NET1: variants seen among roughly 807,000 people sequenced by gnomAD.
The protein encoded by NET1 is neuroepithelial cell transforming 1, also known as neuroepithelial cell-transforming gene 1 protein.
In NET1, 42 loss-of-function variants were observed where a neutral mutation model predicts 61.1. That is an observed-to-expected ratio of 0.69 (90% CI 0.54 to 0.89). The LOEUF (loss-of-function observed/expected upper bound fraction) is 0.89. NET1 is among the 40% of genes least tolerant of loss of function. NET1 has a pLI of 0.00. For missense variants in NET1, 654 were observed against 747.3 expected, an observed-to-expected ratio of 0.88 and a Z score of 1.46; for synonymous variants, 254 against 281.8, an observed-to-expected ratio of 0.90 and a Z score of 0.99.
At chr10:5,414,625 CAAG>C (rs1832049390) in intron 1 of NET1, among the ~76,000 whole-genome samples, 1 of 152,088 alleles carries the variant, frequency 6.6e-6, no homozygotes, top group African/African-American at 2.4e-5. Context: ...AACAGGAAGA[CAAG>C]AAAGAATAGA....
At position 5,453,882 on chromosome 10, in the gene NET1, A is replaced by C. The variant is rs1832750981; in HGVS notation, c.768+322A>C. ...AAATGCGGGGCACTGTTTGAGGAGG[A>C]GTCGCTGGGAGTCAGTGATGAAAGG... is the stretch of plus-strand genomic sequence containing the variant. On this transcript the variant is annotated intron_variant, in intron 8 of 11. Transcript: ENST00000355029. This position sits in a 1 kb window ranked among gnomAD's most constrained non-coding sequence, Gnocchi z 4.9. Among the ~76,000 whole-genome samples the C allele has an allele frequency of 6.6e-6, 1 of 152,106 alleles. No homozygotes were observed. The highest frequency in any genetic ancestry group is 2.4e-5 in the African/African-American group (1 of 41,428).
In NET1 at chr10:5,427,138, A is replaced by G. The variant is rs1345613080; in HGVS notation, c.195+417A>G. ...TATAATGAATGATTTTCTGCTATTA[A>G]TCATCTCAGCATAGAGGGACTCTAT... On this transcript the variant is annotated intron_variant, in intron 2 of 11. Coordinates refer to ENST00000355029, the MANE Select transcript of NET1 (RefSeq NM_001047160.3). The surrounding 1 kb of genome is among the most constrained non-coding windows in gnomAD (Gnocchi z 4.1). 6.6e-6 allele frequency among the ~76,000 whole-genome samples: 1 copy of G among 151,912 alleles called. No individual in the cohort carries two copies. The highest frequency in any genetic ancestry group is 1.5e-5 in the Non-Finnish European group (1 of 67,960).
rs79849537 is a variant in NET1, at chr10:5,442,339, C to T, written c.256-9491C>T. Among the ~76,000 whole-genome samples, 986 of 152,158 alleles carry T rather than the reference C, an allele frequency of 6.5e-3. 36 individuals carry two copies. In the East Asian group the frequency reaches 0.11, roughly 16 times the overall value. On this transcript the variant is annotated intron_variant, in intron 3 of 11. Coordinates refer to ENST00000355029, the MANE Select transcript of NET1 (RefSeq NM_001047160.3). ...AATTTCCAATTGCTTGTTATTGTTCCAGGTAAAAGTAGATAATAATGCCTA... is the reference window on the plus strand; with the variant it reads ...AATTTCCAATTGCTTGTTATTGTTCTAGGTAAAAGTAGATAATAATGCCTA...
chr10:5,436,236 A>G (rs1280903428), intron 3 of NET1, among the ~76,000 whole-genome samples: 1 of 20,672 alleles, frequency 4.8e-5, no homozygotes, highest in Non-Finnish European at 1.1e-4. Flanking sequence ...ATATATATAT[A>G]TATATATATA....
rs1461857880 is a variant in NET1, at chr10:5,441,003, C to A, written c.256-10827C>A. On this transcript the variant is annotated intron_variant, in intron 3 of 11. Coordinates refer to ENST00000355029, the MANE Select transcript of NET1 (RefSeq NM_001047160.3). The surrounding 1 kb of genome is among the most constrained non-coding windows in gnomAD (Gnocchi z 4.6). ...CGAGGACTCATTGACAGGTGTCTTT[C>A]TTGAGGTATGATCCCAGGGAACAAG... Among the ~76,000 whole-genome samples the A allele has an allele frequency of 3.3e-5, 5 of 152,188 alleles. No homozygotes were observed. The highest frequency in any genetic ancestry group is 5.9e-5 in the Non-Finnish European group (4 of 68,034).
rs1227701773 is a variant in NET1, at chr10:5,417,265, A to G, written c.128+4445A>G. 1.3e-5 allele frequency among the ~76,000 whole-genome samples: 2 copies of G among 151,632 alleles called. No homozygotes were observed. The highest frequency in any genetic ancestry group is 1.9e-4 in the East Asian group (1 of 5,140). The stretch of plus-strand genomic sequence containing the variant: ...GGTCTCGGGGGGTTTTTATAGGCAC[A>G]GGTGGGGGCGTGCTTTTATAGGCAC... On this transcript the variant is annotated intron_variant, in intron 1 of 11. Coordinates refer to ENST00000355029, the MANE Select transcript of NET1 (RefSeq NM_001047160.3). This position sits in a 1 kb window ranked among gnomAD's most constrained non-coding sequence, Gnocchi z 5.5.
chr10:5,441,071 A>G lies in NET1; in HGVS notation c.256-10759A>G, dbSNP rs1325504207. Among the ~76,000 whole-genome samples the G allele has an allele frequency of 6.6e-6, 1 of 152,236 alleles. No individual in the cohort carries two copies. Among genetic ancestry groups the G allele is most frequent in the Non-Finnish European group, 1.5e-5 (1 of 68,038 alleles). ...AGGAGGCCCGTGCAGTGTCTAATTA[A>G]GCTGTCACTACTGTGGGCAGTGGGG... On this transcript the variant is annotated intron_variant, in intron 3 of 11. Transcript: ENST00000355029. The surrounding 1 kb of genome is among the most constrained non-coding windows in gnomAD (Gnocchi z 4.6).
In NET1 at chr10:5,426,803, G is replaced by GAAGTAAGGACCACTGATC; in HGVS notation, c.195+82_195+83insAAGTAAGGACCACTGATC. ...TTCTTTCAGTCTGTTACACAGATCA[G>GAAGTAAGGACCACTGATC]TGGTCCTTACTTCTGAGGGTCTTGA... On this transcript the variant is annotated intron_variant, in intron 2 of 11. Transcript: ENST00000355029. The surrounding 1 kb of genome is among the most constrained non-coding windows in gnomAD (Gnocchi z 4.6). The GAAGTAAGGACCACTGATC allele has an allele frequency of 2.1e-6, 2 of 940,778 alleles. No homozygotes were observed. The highest frequency in any genetic ancestry group is 3.1e-6 in the Non-Finnish European group (2 of 643,910). 58.3% of individuals were successfully genotyped at this position (940,778 alleles called of 1,614,324 possible).
rs771978464 is a variant in NET1 at position 5,452,940 on chromosome 10, T to C, written c.594+20T>C. 6.1e-6 allele frequency: 9 copies of C among 1,464,382 alleles called. No homozygotes were observed. The highest frequency in any genetic ancestry group is 1.7e-5 in the Admixed American group (1 of 59,210). 90.7% of individuals were successfully genotyped at this position (1,464,382 alleles called of 1,614,324 possible). ...AGAAAGGTCAGTAAATAACTTTTTA[T>C]CAGATGCCCTAGTTTTTAAAAATTA... On this transcript the variant is annotated intron_variant, in intron 6 of 11. Coordinates refer to ENST00000355029, the MANE Select transcript of NET1 (RefSeq NM_001047160.3). The surrounding 1 kb of genome is among the most constrained non-coding windows in gnomAD (Gnocchi z 4.0).
rs1465637821 is a variant in NET1 at position 5,431,120 on chromosome 10, C to T, written c.255+1891C>T. 6.6e-6 allele frequency among the ~76,000 whole-genome samples: 1 copy of T among 152,098 alleles called. No individual in the cohort carries two copies. Among genetic ancestry groups the T allele is most frequent in the Non-Finnish European group, 1.5e-5 (1 of 68,018 alleles). On this transcript the variant is annotated intron_variant, in intron 3 of 11. Transcript: ENST00000355029. This position sits in a 1 kb window ranked among gnomAD's most constrained non-coding sequence, Gnocchi z 4.9. The stretch of plus-strand genomic sequence containing the variant: ...TCTCCTGACCTCGTGATCCGCCTGC[C>T]TCGGCCTCCCAAAGTGCTGGGATTA...
Position 5,437,595 on chromosome 10 carries a change from A to G in NET1, c.255+8366A>G, listed in dbSNP as rs1272628355. Reference sequence around the variant, plus strand: ...ATTTGCCTTCCAAAATGTTTGCCAAATTGATACTTTTCTATCGGTTTATGA... The same window carrying G: ...ATTTGCCTTCCAAAATGTTTGCCAAGTTGATACTTTTCTATCGGTTTATGA... On this transcript the variant is annotated intron_variant, in intron 3 of 11. Transcript: ENST00000355029. The surrounding 1 kb of genome is among the most constrained non-coding windows in gnomAD (Gnocchi z 4.3). Among the ~76,000 whole-genome samples the G allele has an allele frequency of 2.0e-5, 3 of 152,036 alleles. No homozygotes were observed. Among genetic ancestry groups the G allele is most frequent in the African/African-American group, 7.2e-5 (3 of 41,398 alleles).
rs1048485280 is a variant in NET1 at position 5,421,583 on chromosome 10, T to C, written c.129-5072T>C. On this transcript the variant is annotated intron_variant, in intron 1 of 11. Coordinates refer to ENST00000355029, the MANE Select transcript of NET1 (RefSeq NM_001047160.3). This position sits in a 1 kb window ranked among gnomAD's most constrained non-coding sequence, Gnocchi z 4.2. ...TAGTAGTTGCCAAAAATAAAAGGCA[T>C]GCTCACAGAAGCTTGTAAGGCCATG... Among the ~76,000 whole-genome samples, 3 of 152,228 alleles carry C rather than the reference T, an allele frequency of 2.0e-5. No individual in the cohort carries two copies. The highest frequency in any genetic ancestry group is 1.3e-4 in the Admixed American group (2 of 15,286).
chr10:5,452,491 A>T lies in NET1; in HGVS notation c.497A>T (p.Glu166Val). 1 of 1,613,984 alleles carries T rather than the reference A, an allele frequency of 6.2e-7. No individual in the cohort carries two copies. The highest frequency in any genetic ancestry group is 8.5e-7 in the Non-Finnish European group (1 of 1,179,896). ...GAGATGCTGGACATCACCATGAAGGAGTCTCTCACCACCAGGGAGATCAGA... is the reference window on the plus strand; with the variant it reads ...GAGATGCTGGACATCACCATGAAGGTGTCTCTCACCACCAGGGAGATCAGA... ...WSEMLDITMK[E>V]SLTTREIRRQ... The change falls in exon 5 of 12, where the codon GAG (glutamate) becomes GTG (valine). Residue 166 changes from glutamate to valine, a missense_variant. By Grantham distance (121) the Glu-to-Val change is moderately radical. Coordinates refer to ENST00000355029, the MANE Select transcript of NET1 (RefSeq NM_001047160.3). This position sits in a 1 kb window ranked among gnomAD's most constrained non-coding sequence, Gnocchi z 4.0.
rs1339228119 is a variant in NET1 at position 5,427,596 on chromosome 10, T to G, written c.195+875T>G. ...TTGGCCTTTCAAACCTGGGATCATA[T>G]TATTCATAATTTTCTGTATCTTCTG... On this transcript the variant is annotated intron_variant, in intron 2 of 11. Coordinates refer to ENST00000355029, the MANE Select transcript of NET1 (RefSeq NM_001047160.3). This position sits in a 1 kb window ranked among gnomAD's most constrained non-coding sequence, Gnocchi z 4.1. Among the ~76,000 whole-genome samples, 1 of 152,228 alleles carries G rather than the reference T, an allele frequency of 6.6e-6. No individual in the cohort carries two copies. Among genetic ancestry groups the G allele is most frequent in the Non-Finnish European group, 1.5e-5 (1 of 68,036 alleles).
At position 5,440,791 on chromosome 10, in the gene NET1, C is replaced by T. The variant is rs1293351826; in HGVS notation, c.256-11039C>T. Among the ~76,000 whole-genome samples, 1 of 152,186 alleles carries T rather than the reference C, an allele frequency of 6.6e-6. No individual in the cohort carries two copies. Among genetic ancestry groups the T allele is most frequent in the Non-Finnish European group, 1.5e-5 (1 of 68,026 alleles). ...CTGCCCCTCTCTTGTTCATTTGCCACCACTACTATGTAAGGCATTGCCTCA... is the reference window on the plus strand; with the variant it reads ...CTGCCCCTCTCTTGTTCATTTGCCATCACTACTATGTAAGGCATTGCCTCA... On this transcript the variant is annotated intron_variant, in intron 3 of 11. Coordinates refer to ENST00000355029, the MANE Select transcript of NET1 (RefSeq NM_001047160.3). The surrounding 1 kb of genome is among the most constrained non-coding windows in gnomAD (Gnocchi z 4.1).
In NET1 at chr10:5,446,440, C is replaced by A; in HGVS notation, c.256-5390C>A. 3.0e-6 allele frequency: 1 copy of A among 334,546 alleles called. No individual in the cohort carries two copies. The highest frequency in any genetic ancestry group is 4.3e-6 in the Non-Finnish European group (1 of 234,674). 20.7% of individuals were successfully genotyped at this position (334,546 alleles called of 1,614,324 possible). On this transcript the variant is annotated intron_variant, in intron 3 of 11. Transcript: ENST00000355029. The surrounding 1 kb of genome is among the most constrained non-coding windows in gnomAD (Gnocchi z 5.0). ...TTAAATCAGGAAGAGAAGTTTCTGTCCTACTTGAACCCAGCTTCACTCTCC... is the reference window on the plus strand; with the variant it reads ...TTAAATCAGGAAGAGAAGTTTCTGTACTACTTGAACCCAGCTTCACTCTCC...
intron 2 of NET1, among the ~76,000 whole-genome samples, chr10:5,428,198 G>A (rs1200969814): frequency 6.6e-6 from 1 of 151,986 alleles, no homozygotes; most frequent in African/African-American, 2.4e-5. Context: ...AAGCTGTGTA[G>A]GTAACCTGAA....
In NET1 at chr10:5,458,685, A is replaced by G. The variant is rs981924879; in HGVS notation, c.*1691A>G. ...ACAGCAATTGTATTGAAAATAACTG[A>G]ACACCTGTTACTTTCTGGATAGGAT... is the stretch of plus-strand genomic sequence containing the variant. On this transcript the variant is annotated 3_prime_UTR_variant, in exon 12 of 12. Coordinates refer to ENST00000355029, the MANE Select transcript of NET1 (RefSeq NM_001047160.3). This position sits in a 1 kb window ranked among gnomAD's most constrained non-coding sequence, Gnocchi z 4.5. Among the ~76,000 whole-genome samples the G allele has an allele frequency of 6.6e-6, 1 of 152,224 alleles. No homozygotes were observed. Among genetic ancestry groups the G allele is most frequent in the African/African-American group, 2.4e-5 (1 of 41,456 alleles).
At chr10:5,425,487 A>G (rs1468252903) in intron 1 of NET1, among the ~76,000 whole-genome samples, 1 of 152,218 alleles carries the variant, frequency 6.6e-6, no homozygotes, top group Non-Finnish European at 1.5e-5. Flanking sequence ...CAATTGACCT[A>G]AAATGTCCAG....
Sources: gnomAD v4.1 joint callset for allele counts (sites outside exome capture counted in the v4.1 genomes callset) on GRCh38, gnomAD v4.1.1 for gene constraint, Gnocchi (gnomAD v3.1) non-coding constraint, MANE v1.5 for transcripts, NCBI Gene and HGNC (gene_info 2026-07-23, HGNC 2026-07-21) for gene names.